Variants in MEX3A observed in about 807,000 individuals in gnomAD.
MEX3A encodes RNA-binding protein MEX3A.
In MEX3A, 4 loss-of-function variants were observed where a neutral mutation model predicts 30.0. The ratio of observed to expected loss-of-function variants is 0.13; its 90% CI spans 0.07 to 0.30. The LOEUF (loss-of-function observed/expected upper bound fraction) is 0.30. Among genes scored for constraint, MEX3A ranks in the 10% least tolerant of loss-of-function variants. MEX3A has a pLI of 1.00. For missense variants in MEX3A, 555 were observed against 736.7 expected, an observed-to-expected ratio of 0.75 and a Z score of 2.86; for synonymous variants, 335 against 327.6, an observed-to-expected ratio of 1.02 and a Z score of -0.24.
intron 1 of MEX3A, among the ~76,000 whole-genome samples, chr1:156,078,728 A>G (rs1455782332): frequency 6.6e-6 from 1 of 152,136 alleles, no homozygotes; most frequent in Non-Finnish European, 1.5e-5. Flanking sequence ...CTTCACACAG[A>G]GCTTCCAAGA....
Position 156,081,933 on chromosome 1 carries a change from G to C in MEX3A, c.66C>G (p.Phe22Leu). ...GCCCTCGGTCCTTAGCGCTTCCCCC[G>C]AAACATCCTAGTTCTCCAAAGCCCC... ...RNGGFGELGC[F>L]GGSAKDRGLL... Residue 22 changes from phenylalanine to leucine, a missense_variant, in exon 1 of 2, where the codon TTC (phenylalanine) becomes TTG (leucine). Around this residue, in one of 6 missense-constraint regions of MEX3A, gnomAD observed 159 missense variants for 159.9 expected, o/e 0.99. Coordinates refer to ENST00000532414, the MANE Select transcript of MEX3A (RefSeq NM_001093725.2). 2.0e-6 allele frequency: 3 copies of C among 1,536,730 alleles called. No individual in the cohort carries two copies. Among genetic ancestry groups the C allele is most frequent in the Non-Finnish European group, 2.6e-6 (3 of 1,140,178 alleles).
In MEX3A at chr1:156,076,891, C is replaced by A; in HGVS notation, c.1246G>T (p.Ala416Ser). Residue 416 changes from alanine (A) to serine (S), a missense_variant, in exon 2 of 2, where the codon GCC becomes TCC. Physicochemically the swap from Ala to Ser is moderately conservative, Grantham distance 99. Coordinates refer to ENST00000532414, the MANE Select transcript of MEX3A (RefSeq NM_001093725.2). This position sits in a 1 kb window ranked among gnomAD's most constrained non-coding sequence, Gnocchi z 6.0. ...SSASSSSSSS[A>S]KARAGPPGAH... is the part of the protein sequence containing the mutation. ...CCCGGGGGCCCAGCGCGGGCCTTGG[C>A]GGAAGAGGAGGAGGAGGAGGAGGCA... is the stretch of plus-strand genomic sequence containing the variant. The A allele has an allele frequency of 6.4e-7, 1 of 1,550,698 alleles. No homozygotes were observed. The highest frequency in any genetic ancestry group is 8.7e-7 in the Non-Finnish European group (1 of 1,148,174).
At position 156,077,968 on chromosome 1, in the gene MEX3A, C is replaced by T. The variant is rs1441874206; in HGVS notation, c.455-286G>A. ...CAAATTCATTCACTCCTCAAAACCC[C>T]CAAATAATCACTGACCCTCCCATAC... is the stretch of plus-strand genomic sequence containing the variant. On this transcript the variant is annotated intron_variant, in intron 1 of 1. Transcript: ENST00000532414. The surrounding 1 kb of genome is among the most constrained non-coding windows in gnomAD (Gnocchi z 8.3). Among the ~76,000 whole-genome samples, 1 of 152,086 alleles carries T rather than the reference C, an allele frequency of 6.6e-6. No individual in the cohort carries two copies. The highest frequency in any genetic ancestry group is 1.5e-5 in the Non-Finnish European group (1 of 68,012).
In MEX3A at chr1:156,076,512, A is replaced by T; in HGVS notation, c.*62T>A. On this transcript the variant is annotated 3_prime_UTR_variant, in exon 2 of 2. Transcript: ENST00000532414. The surrounding 1 kb of genome is among the most constrained non-coding windows in gnomAD (Gnocchi z 6.0). Reference sequence around the variant, plus strand: ...AAATCACCGCTTTCCAAAAGGCTTTAGTGGAAAACAGGTCCAGGGTGGGCC... The same window carrying T: ...AAATCACCGCTTTCCAAAAGGCTTTTGTGGAAAACAGGTCCAGGGTGGGCC... 6.7e-7 allele frequency: 1 copy of T among 1,495,076 alleles called. No homozygotes were observed. Among genetic ancestry groups the T allele is most frequent in the Non-Finnish European group, 9.0e-7 (1 of 1,106,124 alleles). The allele number at this position is 1,495,076 out of a possible 1,614,324, so 92.6% of individuals were successfully genotyped here.
At position 156,074,036 on chromosome 1, in the gene MEX3A, G is replaced by C. The variant is rs2102774802; in HGVS notation, c.*2538C>G. 1 of 152,502 alleles carries C rather than the reference G, an allele frequency of 6.6e-6. No individual in the cohort carries two copies. The highest frequency in any genetic ancestry group is 1.5e-5 in the Non-Finnish European group (1 of 67,990). The allele number at this position is 152,502 out of a possible 1,614,324, so 9.4% of individuals were successfully genotyped here. A position where few individuals can be genotyped will look rare whatever the true frequency, so the allele number is the denominator to read the frequency against. On this transcript the variant is annotated 3_prime_UTR_variant, in exon 2 of 2. Coordinates refer to ENST00000532414, the MANE Select transcript of MEX3A (RefSeq NM_001093725.2). ...TCCCAGGAGGGACCGGGTTCCCCCA[G>C]CTCCTCTCTCCACCATTCACCCCCG...
intron 1 of MEX3A, among the ~76,000 whole-genome samples, chr1:156,081,098 G>A (rs1050524924): frequency 1.3e-5 from 2 of 152,124 alleles, no homozygotes; most frequent in African/African-American, 2.4e-5. Context: ...CTGGCTTCGA[G>A]GGCCAGGTCT....
At position 156,082,336 on chromosome 1, in the gene MEX3A, T is replaced by A. The variant is rs953622345; in HGVS notation, c.-338A>T. Among the ~76,000 whole-genome samples the A allele has an allele frequency of 6.6e-6, 1 of 151,656 alleles. No individual in the cohort carries two copies. The highest frequency in any genetic ancestry group is 1.5e-5 in the Non-Finnish European group (1 of 67,832). ...GATCTCTGCCCCCACCCCTCCCGCC[T>A]CGGACCTGGGAGTCTCTAGCCCCCG... On this transcript the variant is annotated 5_prime_UTR_variant, in exon 1 of 2. Coordinates refer to ENST00000532414, the MANE Select transcript of MEX3A (RefSeq NM_001093725.2).
intron 1 of MEX3A, among the ~76,000 whole-genome samples, chr1:156,078,911 C>T (rs1648145224): frequency 6.6e-6 from 1 of 152,156 alleles, no homozygotes; most frequent in Non-Finnish European, 1.5e-5. Context: ...ATCCCACTGT[C>T]CATCCCCATC....
Position 156,081,726 on chromosome 1 carries a change from GGCGGCCGGGGGCGCC to G in MEX3A, c.258_272del (p.Ala87_Ala91del). ...TCTGCGCTGCGGGGGCCGCCGTCGG[GGCGGCCGGGGGCGCC>G]GCGGGCGGCGGCGGCGGGGCCGGCT... On this transcript the variant is annotated inframe_deletion, in exon 1 of 2. Coordinates refer to ENST00000532414, the MANE Select transcript of MEX3A (RefSeq NM_001093725.2). The G allele has an allele frequency of 1.0e-6, 1 of 954,860 alleles. No individual in the cohort carries two copies. 59.1% of individuals were successfully genotyped at this position (954,860 alleles called of 1,614,324 possible).
In MEX3A at chr1:156,075,708, AG is replaced by A; in HGVS notation, c.*865del. 1 of 153,336 alleles carries A rather than the reference AG, an allele frequency of 6.5e-6. No homozygotes were observed. The highest frequency in any genetic ancestry group is 1.5e-5 in the Non-Finnish European group (1 of 68,394). 9.5% of individuals were successfully genotyped at this position (153,336 alleles called of 1,614,324 possible). A position where few individuals can be genotyped will look rare whatever the true frequency, so the allele number is the denominator to read the frequency against. ...AAGCTGGGCTGGTAGGGGCAGGGGC[AG>A]GGGGAAGGGAAGAAAGACAAAGACA... On this transcript the variant is annotated 3_prime_UTR_variant, in exon 2 of 2. Coordinates refer to ENST00000532414, the MANE Select transcript of MEX3A (RefSeq NM_001093725.2).
At chr1:156,078,627 G>C (rs1648135148) in intron 1 of MEX3A, among the ~76,000 whole-genome samples, 1 of 152,148 alleles carries the variant, frequency 6.6e-6, no homozygotes, top group African/African-American at 2.4e-5. Flanking sequence ...AGAGAGAAAA[G>C]TAAGGGCTAT....
rs1385756832 is a variant in MEX3A, at chr1:156,082,371, C to A, written c.-373G>T. 1.3e-5 allele frequency among the ~76,000 whole-genome samples: 2 copies of A among 152,070 alleles called. No homozygotes were observed. Among genetic ancestry groups the A allele is most frequent in the South Asian group, 2.1e-4 (1 of 4,822 alleles). The stretch of plus-strand genomic sequence containing the variant: ...GAGTCTCTAGCCCCCGCTGTCCAGG[C>A]GCCCCCGTTAGGCTCCCGCACCGAG... On this transcript the variant is annotated 5_prime_UTR_variant, in exon 1 of 2. Coordinates refer to ENST00000532414, the MANE Select transcript of MEX3A (RefSeq NM_001093725.2).
chr1:156,081,923 C>T lies in MEX3A; in HGVS notation c.76G>A (p.Ala26Thr). The T allele has an allele frequency of 2.0e-6, 3 of 1,536,966 alleles. No individual in the cohort carries two copies. Among genetic ancestry groups the T allele is most frequent in the Non-Finnish European group, 2.6e-6 (3 of 1,140,342 alleles). ...TCTTCCAGCAGCCCTCGGTCCTTAG[C>T]GCTTCCCCCGAAACATCCTAGTTCT... ...FGELGCFGGS[A>T]KDRGLLEDER... Residue 26 changes from alanine to threonine, a missense_variant, in exon 1 of 2, where the codon GCT becomes ACT. Around this residue, in one of 6 missense-constraint regions of MEX3A, gnomAD observed 159 missense variants for 159.9 expected, o/e 0.99. Coordinates refer to ENST00000532414, the MANE Select transcript of MEX3A (RefSeq NM_001093725.2).
At chr1:156,081,493 A>T in intron 1 of MEX3A, 52 bp downstream of exon 1, 1 of 1,479,220 alleles carries the variant, frequency 6.8e-7, no homozygotes, top group Non-Finnish European at 9.3e-7. Flanking sequence ...CGCGCTAGGG[A>T]CGAGGGTGCC....
intron 1 of MEX3A, among the ~76,000 whole-genome samples, 172 bp downstream of exon 1, chr1:156,081,373 G>C (rs908131004): frequency 1.3e-5 from 2 of 152,238 alleles, no homozygotes; most frequent in African/African-American, 4.8e-5. Context: ...GTCCCGACTA[G>C]GGGTAACGGG....
rs1344360156 is a variant in MEX3A, at chr1:156,073,722, TTC to T, written c.*2850_*2851del. The stretch of plus-strand genomic sequence containing the variant: ...CCCTCGGTTTCTCTTTTTCTTCTCT[TTC>T]TCTCTTGTTTTTGGTTAAAAAAAAA... On this transcript the variant is annotated 3_prime_UTR_variant, in exon 2 of 2. Coordinates refer to ENST00000532414, the MANE Select transcript of MEX3A (RefSeq NM_001093725.2). 6.6e-6 allele frequency: 1 copy of T among 152,318 alleles called. No homozygotes were observed. The highest frequency in any genetic ancestry group is 6.5e-5 in the Admixed American group (1 of 15,274). 9.4% of individuals were successfully genotyped at this position (152,318 alleles called of 1,614,324 possible).
In MEX3A at chr1:156,072,055, C is replaced by T. The variant is rs1434972286; in HGVS notation, c.*4519G>A. 1 of 152,790 alleles carries T rather than the reference C, an allele frequency of 6.5e-6. No individual in the cohort carries two copies. The highest frequency in any genetic ancestry group is 1.5e-5 in the Non-Finnish European group (1 of 68,040). The allele number at this position is 152,790 out of a possible 1,614,324, so 9.5% of individuals were successfully genotyped here. On this transcript the variant is annotated 3_prime_UTR_variant, in exon 2 of 2. Transcript: ENST00000532414. ...TAATAAAATTAAGTTCTTAATAGCA[C>T]ATTTAATACATTAACCCTCCCCCTT...
Position 156,076,401 on chromosome 1 carries a change from G to T in MEX3A, c.*173C>A, listed in dbSNP as rs1648064601. 1.6e-6 allele frequency: 1 copy of T among 631,980 alleles called. No homozygotes were observed. The highest frequency in any genetic ancestry group is 2.6e-6 in the Non-Finnish European group (1 of 383,062). The allele number at this position is 631,980 out of a possible 1,614,324, so 39.1% of individuals were successfully genotyped here. ...TCTTTCCAGGACAGGGTGACCAGAG[G>T]CTCTGAAAGTGGCGCACCCTCCAGC... On this transcript the variant is annotated 3_prime_UTR_variant, in exon 2 of 2. Transcript: ENST00000532414. The surrounding 1 kb of genome is among the most constrained non-coding windows in gnomAD (Gnocchi z 6.0).
In MEX3A at chr1:156,074,953, A is replaced by T. The variant is rs1431136324; in HGVS notation, c.*1621T>A. 2.6e-5 allele frequency: 4 copies of T among 152,736 alleles called. No homozygotes were observed. In the Admixed American group the frequency reaches 2.6e-4, roughly 10 times the overall value. The allele number at this position is 152,736 out of a possible 1,614,324, so 9.5% of individuals were successfully genotyped here. ...GCTTTAAGTGCTCGGGTGATCACTCAGAACAGTCCCACCCCACTATTTACA... is the reference window on the plus strand; with the variant it reads ...GCTTTAAGTGCTCGGGTGATCACTCTGAACAGTCCCACCCCACTATTTACA... On this transcript the variant is annotated 3_prime_UTR_variant, in exon 2 of 2. Coordinates refer to ENST00000532414, the MANE Select transcript of MEX3A (RefSeq NM_001093725.2).
Sources: allele counts gnomAD v4.1 joint callset (sites outside exome capture counted in the v4.1 genomes callset), GRCh38; gene constraint gnomAD v4.1.1; regional missense constraint gnomAD v4.1.1; non-coding constraint Gnocchi (gnomAD v3.1); transcripts MANE v1.5; gene names NCBI Gene and HGNC (gene_info 2026-07-23, HGNC 2026-07-21).